TLK1: variants seen among roughly 807,000 people sequenced by gnomAD.
TLK1 encodes the protein serine/threonine-protein kinase tousled-like 1.
Under a neutral mutation model 105.3 loss-of-function variants are expected in TLK1, and 24 were observed. That is an observed-to-expected ratio of 0.23 (90% CI 0.17 to 0.32). The LOEUF is 0.32. Ranked by LOEUF, TLK1 falls within the 10% of genes least tolerant of loss-of-function variation. TLK1 has a pLI of 1.00. For missense variants in TLK1, 558 were observed against 910.5 expected (o/e 0.61, Z 4.98); for synonymous variants, 321 against 310.4 (o/e 1.03, Z -0.36).
intron 2 of TLK1, among the ~76,000 whole-genome samples, chr2:171,093,471 G>C (rs143786777): frequency 1.3e-5 from 2 of 152,146 alleles, no homozygotes; most frequent in Admixed American, 1.3e-4. Context: ...CTGAAACAAA[G>C]TGAACTGTAT....
In TLK1 at chr2:170,992,050, C is replaced by T. The variant is rs1683808464; in HGVS notation, c.*1730G>A. On this transcript the variant is annotated 3_prime_UTR_variant, in exon 21 of 21. Coordinates refer to ENST00000431350, the MANE Select transcript of TLK1 (RefSeq NM_012290.5). ...AACTTTAACAGCTTGAAACAATTTA[C>T]ACTTGTCTTGAAGTATACTTAAGGA... 1 of 152,126 alleles carries T rather than the reference C, an allele frequency of 6.6e-6. No individual in the cohort carries two copies. The highest frequency in any genetic ancestry group is 1.5e-5 in the Non-Finnish European group (1 of 67,998). The allele number at this position is 152,126 out of a possible 1,614,324, so 9.4% of individuals were successfully genotyped here.
At position 171,056,538 on chromosome 2, in the gene TLK1, A is replaced by G. The variant is rs199612947; in HGVS notation, c.482T>C (p.Val161Ala). ...EYQGGNGSSP[V>A]RGIPPAIRSP... ...ACGGATTGCAGGAGGTATGCCTCTT[A>G]CTGGACTTGAGCCATTTCCACCCTG... Residue 161 changes from valine (V) to alanine (A), a missense_variant, in exon 6 of 21, where the codon GTA becomes GCA. Physicochemically the swap from Val to Ala is moderately conservative, Grantham distance 64. Transcript: ENST00000431350. 1.4e-5 allele frequency: 23 copies of G among 1,612,346 alleles called. No individual in the cohort carries two copies. The highest frequency in any genetic ancestry group is 2.0e-5 in the Non-Finnish European group (23 of 1,178,956).
At chr2:171,153,963 G>C (rs1692138775) in intron 1 of TLK1, 1 of 152,268 alleles carries the variant, frequency 6.6e-6, no homozygotes, top group South Asian at 2.1e-4. Flanking sequence ...CATGATCATA[G>C]CTCACTGCAT....
intron 14 of TLK1, among the ~76,000 whole-genome samples, chr2:171,008,954 C>G (rs1684773163): frequency 6.6e-6 from 1 of 152,214 alleles, no homozygotes; most frequent in Non-Finnish European, 1.5e-5. Flanking sequence ...CTAATGCTAA[C>G]TGCACTTTTA....
rs191237915 is a variant in TLK1 at position 171,051,001 on chromosome 2, C to T, written c.733-827G>A. On this transcript the variant is annotated intron_variant, in intron 8 of 20. Coordinates refer to ENST00000431350, the MANE Select transcript of TLK1 (RefSeq NM_012290.5). Reference sequence around the variant, plus strand: ...TGGTGGAATCCACAAGACAAGGGCACAAAATCTTAAAAGTGCTGAGAGAAA... The same window carrying T: ...TGGTGGAATCCACAAGACAAGGGCATAAAATCTTAAAAGTGCTGAGAGAAA... Among the ~76,000 whole-genome samples, 629 of 152,280 alleles carry T rather than the reference C, an allele frequency of 4.1e-3. 6 individuals are homozygous for T. Among genetic ancestry groups the T allele is most frequent in the African/African-American group, 0.014 (568 of 41,570 alleles).
At chr2:170,999,488 T>C (rs1684254871) in intron 18 of TLK1, among the ~76,000 whole-genome samples, 2 of 152,224 alleles carry the variant, frequency 1.3e-5, no homozygotes, top group Admixed American at 6.5e-5. Context: ...ACAAGGTGTA[T>C]GTATGCAAGG....
At chr2:170,994,026 A>G in intron 20 of TLK1, 70 bp from the exon 21 acceptor site, 1 of 1,469,564 alleles carries the variant, frequency 6.8e-7, no homozygotes, top group Non-Finnish European at 9.1e-7. Context: ...CAACTGAATC[A>G]GCAGAAGGAT....
chr2:171,062,008 A>C (rs909436136), intron 3 of TLK1, among the ~76,000 whole-genome samples: 1 of 152,232 alleles, frequency 6.6e-6, no homozygotes, highest in Non-Finnish European at 1.5e-5. Flanking sequence ...TTACAAAAAA[A>C]GTTAACAGAT....
intron 3 of TLK1, among the ~76,000 whole-genome samples, chr2:171,079,283 G>T (rs1487535443): frequency 1.3e-5 from 2 of 152,164 alleles, no homozygotes; most frequent in African/African-American, 4.8e-5. Context: ...CTTCTTTGAA[G>T]GAAGACCTCT....
intron 1 of TLK1, among the ~76,000 whole-genome samples, chr2:171,153,157 C>T (rs1321141039): frequency 6.6e-6 from 1 of 152,166 alleles, no homozygotes; most frequent in African/African-American, 2.4e-5. Flanking sequence ...GGCAATATAT[C>T]CTAGTGATTA....
At chr2:171,145,840 A>T (rs746131096) in intron 1 of TLK1, among the ~76,000 whole-genome samples, 2 of 152,154 alleles carry the variant, frequency 1.3e-5, no homozygotes, top group Non-Finnish European at 2.9e-5. Context: ...TAATGCGTGG[A>T]TCCATTTATA....
intron 1 of TLK1, among the ~76,000 whole-genome samples, chr2:171,196,122 G>GTTT (rs570467416): frequency 0.28 from 39,796 of 140,746 alleles, 6,396 homozygotes; most frequent in Non-Finnish European, 0.37. Flanking sequence ...ATTGTAGCTG[G>GTTT]TTTTTTTTTT....
intron 1 of TLK1, among the ~76,000 whole-genome samples, chr2:171,221,505 G>T (rs1227966042): frequency 6.6e-6 from 1 of 152,092 alleles, no homozygotes. Context: ...GCTTTCCATT[G>T]CCTAAAAATT....
intron 11 of TLK1, among the ~76,000 whole-genome samples, chr2:171,034,819 A>T (rs1013516847): frequency 1.3e-5 from 2 of 152,198 alleles, no homozygotes; most frequent in Non-Finnish European, 2.9e-5. Flanking sequence ...TCTTCCTTTG[A>T]AGAGTCCAAA....
intron 11 of TLK1, among the ~76,000 whole-genome samples, chr2:171,040,582 T>C (rs973477823): frequency 2.7e-5 from 4 of 149,390 alleles, no homozygotes; most frequent in African/African-American, 9.9e-5. Context: ...TTTTTTTTTT[T>C]TTTTTTTGAG....
At chr2:171,145,272 C>A (rs576342654) in intron 1 of TLK1, among the ~76,000 whole-genome samples, 2 of 151,834 alleles carry the variant, frequency 1.3e-5, no homozygotes, top group African/African-American at 4.8e-5. Context: ...CGCACCACTG[C>A]GACAGAGCAA....
chr2:171,071,861 T>C (rs1339724625), intron 3 of TLK1, among the ~76,000 whole-genome samples: 1 of 152,230 alleles, frequency 6.6e-6, no homozygotes, highest in Non-Finnish European at 1.5e-5. Context: ...TGTTTGTTCT[T>C]GGCACCTTTG....
intron 18 of TLK1, among the ~76,000 whole-genome samples, chr2:171,004,505 T>C (rs931059518): frequency 2.0e-5 from 3 of 152,204 alleles, no homozygotes; most frequent in African/African-American, 7.2e-5. Flanking sequence ...CATGTTCCTA[T>C]AGAACAATGC....
At chr2:171,056,434 C>G in intron 6 of TLK1, 37 bp downstream of exon 6, 1 of 1,576,070 alleles carries the variant, frequency 6.3e-7, no homozygotes, top group Non-Finnish European at 8.7e-7. Flanking sequence ...ATAACCCTCC[C>G]AAAGACTACA....
Sources: gnomAD v4.1 joint callset for allele counts (sites outside exome capture counted in the v4.1 genomes callset) on GRCh38, gnomAD v4.1.1 for gene constraint, MANE v1.5 for transcripts, NCBI Gene and HGNC (gene_info 2026-07-23, HGNC 2026-07-21) for gene names.